Variants in RPS6KA6 observed in about 807,000 individuals in gnomAD.
RPS6KA6 encodes ribosomal protein S6 kinase alpha-6.
Under a neutral mutation model 65.4 loss-of-function variants are expected in RPS6KA6, and 27 were observed. The observed-to-expected ratio is 0.41, with a 90% CI of 0.30 to 0.57. RPS6KA6 has a LOEUF of 0.57. RPS6KA6 is among the 20% of genes least tolerant of loss of function. RPS6KA6 has a pLI of 0.24. For missense variants in RPS6KA6, 486 were observed against 555.6 expected, an observed-to-expected ratio of 0.87 and a Z score of 1.26; for synonymous variants, 190 against 184.2, an observed-to-expected ratio of 1.03 and a Z score of -0.26.
chrX:84,075,754 A>AT (rs35457756), intron 20 of RPS6KA6, among the ~76,000 whole-genome samples: 6,872 of 111,946 alleles, frequency 0.061, 231 homozygotes, highest in East Asian at 0.2. Context: ...ACTGAAAAAA[A>AT]GTCAACCAAT....
chrX:84,142,473 T>C (rs1403951488), intron 6 of RPS6KA6, among the ~76,000 whole-genome samples: 2 of 110,973 alleles, frequency 1.8e-5, no homozygotes. Flanking sequence ...GAAAAGCTAA[T>C]ACATAAAATA....
chrX:84,097,048 T>G (rs1344529703), intron 19 of RPS6KA6, among the ~76,000 whole-genome samples: 1 of 111,240 alleles, frequency 9.0e-6, no homozygotes, highest in East Asian at 2.8e-4. Flanking sequence ...TTTATAGAGC[T>G]CTTGGTATGT....
intron 20 of RPS6KA6, among the ~76,000 whole-genome samples, chrX:84,067,648 T>G (rs1209117112): frequency 8.9e-6 from 1 of 111,975 alleles, no homozygotes; most frequent in East Asian, 2.8e-4. Context: ...TTGACTGATG[T>G]ACCTGAAAGT....
chrX:84,172,659 G>C (rs972505775), intron 1 of RPS6KA6, among the ~76,000 whole-genome samples: 3 of 111,884 alleles, frequency 2.7e-5, no homozygotes, highest in African/African-American at 9.7e-5. Context: ...AAAGATATTT[G>C]TACACCTATG....
intron 20 of RPS6KA6, among the ~76,000 whole-genome samples, chrX:84,082,670 G>A (rs1469151380): frequency 1.8e-5 from 2 of 111,677 alleles, no homozygotes; most frequent in East Asian, 2.8e-4. Context: ...CAAAGCTGGA[G>A]GCATCACGCT....
chrX:84,144,917 AT>A (rs2147542242), intron 6 of RPS6KA6, among the ~76,000 whole-genome samples: 1 of 111,114 alleles, frequency 9.0e-6, no homozygotes, highest in African/African-American at 3.3e-5. Flanking sequence ...GACAAAAAAA[AT>A]GAATATACTA....
At chrX:84,092,364 G>A (rs1211932084) in intron 20 of RPS6KA6, among the ~76,000 whole-genome samples, 3 of 110,569 alleles carry the variant, frequency 2.7e-5, no homozygotes, top group East Asian at 5.7e-4. Context: ...TGGCTCAAGC[G>A]TGTAATCCTA....
At chrX:84,094,843 C>T (rs1392672593) in intron 20 of RPS6KA6, among the ~76,000 whole-genome samples, 1 of 111,069 alleles carries the variant, frequency 9.0e-6, no homozygotes, top group Admixed American at 9.6e-5. Context: ...ATATGCATGG[C>T]TTTAAACATT....
intron 2 of RPS6KA6, among the ~76,000 whole-genome samples, 167 bp downstream of exon 2, chrX:84,164,161 G>A (rs751080052): frequency 7.1e-5 from 8 of 111,954 alleles, no homozygotes; most frequent in South Asian, 3.7e-4. Flanking sequence ...TTTCTGTCAG[G>A]AAAACCTGTC....
At chrX:84,169,869 A>C (rs1002857640) in intron 1 of RPS6KA6, among the ~76,000 whole-genome samples, 1 of 111,459 alleles carries the variant, frequency 9.0e-6, no homozygotes, top group Admixed American at 9.5e-5. Context: ...CCCAAAATCA[A>C]CCTAGTAAAA....
chrX:84,072,243 T>G (rs1183690665), intron 20 of RPS6KA6, among the ~76,000 whole-genome samples: 1 of 112,123 alleles, frequency 8.9e-6, no homozygotes, highest in Non-Finnish European at 1.9e-5. Flanking sequence ...AATAAAAGGA[T>G]GGTTCAACAC....
upstream of RPS6KA6, among the ~76,000 whole-genome samples, chrX:84,188,223 G>A (rs2035953981): frequency 9.0e-6 from 1 of 111,681 alleles, no homozygotes; most frequent in South Asian, 3.7e-4. Flanking sequence ...ACTTCCTCGG[G>A]TCCCCTCCCC....
chrX:84,099,458 C>T (rs768979452), intron 18 of RPS6KA6, among the ~76,000 whole-genome samples: 1 of 111,132 alleles, frequency 9.0e-6, no homozygotes, highest in African/African-American at 3.3e-5. Flanking sequence ...ATAAGTCTCT[C>T]TCTCATTTGG....
intron 1 of RPS6KA6, among the ~76,000 whole-genome samples, chrX:84,177,353 C>G (rs1434317521): frequency 3.6e-5 from 4 of 111,421 alleles, no homozygotes; most frequent in Non-Finnish European, 7.5e-5. Flanking sequence ...AAAAGACACT[C>G]TTCTAAGTGC....
At chrX:84,106,003 T>A in intron 15 of RPS6KA6, 127 bp from the exon 16 acceptor site, 1 of 395,370 alleles carries the variant, frequency 2.5e-6, no homozygotes, top group Non-Finnish European at 4.4e-6. Context: ...TACCTCATAT[T>A]ATTTTAACAT....
intron 20 of RPS6KA6, among the ~76,000 whole-genome samples, chrX:84,083,941 G>C (rs777985736): frequency 8.9e-6 from 1 of 112,347 alleles, no homozygotes; most frequent in Admixed American, 9.4e-5. Flanking sequence ...GTATCTCATT[G>C]TGGTTTTGAT....
intron 2 of RPS6KA6, among the ~76,000 whole-genome samples, chrX:84,160,668 C>G (rs1414042368): frequency 9.0e-6 from 1 of 110,727 alleles, no homozygotes; most frequent in Middle Eastern, 4.2e-3. Context: ...AAAAGATCAC[C>G]CTAAAAATCC....
intron 6 of RPS6KA6, among the ~76,000 whole-genome samples, chrX:84,139,954 A>G (rs1228730040): frequency 8.9e-6 from 1 of 111,819 alleles, no homozygotes; most frequent in East Asian, 2.8e-4. Flanking sequence ...TCCTGAGTAG[A>G]TAAGCCAGAA....
intron 2 of RPS6KA6, among the ~76,000 whole-genome samples, chrX:84,158,083 G>A (rs933491785): frequency 1.8e-5 from 2 of 109,981 alleles, no homozygotes; most frequent in African/African-American, 6.6e-5. Context: ...CTTAAATGCA[G>A]GTATTACACC....
Sources: allele counts gnomAD v4.1 joint callset (sites outside exome capture counted in the v4.1 genomes callset), GRCh38; gene constraint gnomAD v4.1.1; transcripts MANE v1.5; gene names NCBI Gene and HGNC (gene_info 2026-07-23, HGNC 2026-07-21).